CSMD1: variants seen among roughly 807,000 people sequenced by gnomAD.
The protein encoded by CSMD1 is CUB and sushi domain-containing protein 1.
Under a neutral mutation model 417.5 loss-of-function variants are expected in CSMD1, and 213 were observed. The observed-to-expected ratio is 0.51, with a 90% CI of 0.46 to 0.57. The LOEUF is 0.57. CSMD1 is among the 20% of genes least tolerant of loss of function. The pLI is 0.00. For missense variants in CSMD1, 6,923 were observed against 4,529.7 expected (o/e 1.53, Z -15.17); for synonymous variants, 2,862 against 1,736.8 (o/e 1.65, Z -16.11).
At chr8:4,730,329 T>C (rs1490490809) in intron 1 of CSMD1, among the ~76,000 whole-genome samples, 5 of 152,182 alleles carry the variant, frequency 3.3e-5, no homozygotes, top group East Asian at 1.9e-4. Flanking sequence ...CAAAGAAATG[T>C]TGCAGGCTAT....
chr8:4,972,818 C>G (rs187018469), intron 1 of CSMD1, among the ~76,000 whole-genome samples: 223 of 152,246 alleles, frequency 1.5e-3, no homozygotes, highest in Non-Finnish European at 2.4e-3. Flanking sequence ...GTTAATTGCT[C>G]TATTTCCTGA....
At chr8:4,373,796 G>T (rs1330836609) in intron 3 of CSMD1, among the ~76,000 whole-genome samples, 3 of 152,120 alleles carry the variant, frequency 2.0e-5, no homozygotes, top group Non-Finnish European at 4.4e-5. Flanking sequence ...TGATAAATTT[G>T]TTATAGTCGT....
intron 12 of CSMD1, among the ~76,000 whole-genome samples, chr8:3,453,041 C>G (rs1283639653): frequency 6.6e-6 from 1 of 152,108 alleles, no homozygotes. Flanking sequence ...CTGGTTTAGT[C>G]TTGGGAGAGT....
chr8:3,627,221 C>T (rs1327959806), intron 7 of CSMD1, among the ~76,000 whole-genome samples: 2 of 152,098 alleles, frequency 1.3e-5, no homozygotes, highest in African/African-American at 2.4e-5. Context: ...ATTGAGAGAA[C>T]TGAGTTTAAG....
At chr8:4,622,138 TAGA>T (rs1302173139) in intron 2 of CSMD1, among the ~76,000 whole-genome samples, 4 of 141,476 alleles carry the variant, frequency 2.8e-5, no homozygotes, top group Admixed American at 7.2e-5. Context: ...GATTAATTTA[TAGA>T]AGATTAAACG....
chr8:3,390,629 T>C (rs1030143501), intron 17 of CSMD1, among the ~76,000 whole-genome samples: 22 of 152,138 alleles, frequency 1.4e-4, no homozygotes, highest in African/African-American at 5.3e-4. Flanking sequence ...AACAATGAAT[T>C]TTTGATACAA....
At chr8:3,846,976 C>A (rs1245239347) in intron 5 of CSMD1, among the ~76,000 whole-genome samples, 1 of 152,114 alleles carries the variant, frequency 6.6e-6, no homozygotes, top group Non-Finnish European at 1.5e-5. Context: ...CGCCTGGCCC[C>A]AGGATTTACT....
chr8:4,192,628 G>T (rs1277658300), intron 3 of CSMD1, among the ~76,000 whole-genome samples: 1 of 152,112 alleles, frequency 6.6e-6, no homozygotes, highest in Non-Finnish European at 1.5e-5. Context: ...CACAGCAGAG[G>T]GCATATTTGC....
At position 4,641,128 on chromosome 8, in the gene CSMD1, G is replaced by T. The variant is rs189111366; in HGVS notation, c.86-3570C>A. Among the ~76,000 whole-genome samples the T allele has an allele frequency of 4.0e-3, 606 of 151,378 alleles. 6 individuals are homozygous for T. Among genetic ancestry groups the T allele is most frequent in the African/African-American group, 0.014 (585 of 41,396 alleles). On this transcript the variant is annotated intron_variant, in intron 1 of 69. Coordinates refer to ENST00000635120, the MANE Select transcript of CSMD1 (RefSeq NM_033225.6). ...TACACATATACCAAAATACACATCT[G>T]TAATTGCATGGATACCAAAATACAC... is the stretch of plus-strand genomic sequence containing the variant.
chr8:4,171,716 G>A (rs191920817), intron 3 of CSMD1, among the ~76,000 whole-genome samples: 6 of 151,342 alleles, frequency 4.0e-5, no homozygotes, highest in Non-Finnish European at 7.4e-5. Context: ...TGATATTTAT[G>A]TGCCAAGCTT....
At chr8:4,288,185 T>C (rs887256215) in intron 3 of CSMD1, among the ~76,000 whole-genome samples, 1 of 152,120 alleles carries the variant, frequency 6.6e-6, no homozygotes, top group Non-Finnish European at 1.5e-5. Context: ...ACTTTTCTTT[T>C]TTACTGGTAC....
intron 1 of CSMD1, among the ~76,000 whole-genome samples, chr8:4,914,065 C>A (rs1805880662): frequency 6.6e-6 from 1 of 152,090 alleles, no homozygotes; most frequent in African/African-American, 2.4e-5. Context: ...TAGTACGATA[C>A]CTAAATTACT....
intron 1 of CSMD1, chr8:4,788,096 A>G (rs947996201): frequency 1.5e-5 from 24 of 1,603,784 alleles, no homozygotes; most frequent in Non-Finnish European, 2.0e-5. Context: ...TTTTGAAATC[A>G]GAAAGTCAGT....
intron 1 of CSMD1, among the ~76,000 whole-genome samples, chr8:4,672,090 C>T (rs751242019): frequency 5.9e-5 from 9 of 152,180 alleles, no homozygotes; most frequent in Admixed American, 3.3e-4. Context: ...AAGAATTCGG[C>T]TTTCTACAGT....
At chr8:4,010,967 C>G (rs1408800299) in intron 4 of CSMD1, among the ~76,000 whole-genome samples, 2 of 152,204 alleles carry the variant, frequency 1.3e-5, no homozygotes, top group African/African-American at 4.8e-5. Flanking sequence ...TCCCGCTTCA[C>G]TTTCTGTATC....
At chr8:3,484,299 T>A (rs1448721440) in intron 11 of CSMD1, among the ~76,000 whole-genome samples, 9 of 152,146 alleles carry the variant, frequency 5.9e-5, no homozygotes, top group Admixed American at 5.9e-4. Context: ...TCTAACTAGT[T>A]TTTGATGAAG....
intron 2 of CSMD1, among the ~76,000 whole-genome samples, chr8:4,528,900 G>C (rs1396210860): frequency 1.3e-5 from 2 of 152,132 alleles, no homozygotes; most frequent in East Asian, 1.9e-4. Flanking sequence ...CCATGTTTGA[G>C]ACGGGATTAG....
intron 1 of CSMD1, among the ~76,000 whole-genome samples, chr8:4,647,387 C>A (rs1195417011): frequency 6.6e-6 from 1 of 151,246 alleles, no homozygotes; most frequent in Non-Finnish European, 1.5e-5. Flanking sequence ...TACGCGTGTG[C>A]CACGGAGGTC....
chr8:4,743,899 C>G (rs1585031319), intron 1 of CSMD1, among the ~76,000 whole-genome samples: 1 of 152,154 alleles, frequency 6.6e-6, no homozygotes, highest in African/African-American at 2.4e-5. Flanking sequence ...TATATCCAGC[C>G]AAGCCGATTA....
Sources: allele counts gnomAD v4.1 joint callset (sites outside exome capture counted in the v4.1 genomes callset), GRCh38; gene constraint gnomAD v4.1.1; transcripts MANE v1.5; gene names NCBI Gene and HGNC (gene_info 2026-07-23, HGNC 2026-07-21).